Variants in ARHGAP26 observed in about 807,000 individuals in gnomAD.
The protein encoded by ARHGAP26 is rho GTPase-activating protein 26.
In ARHGAP26, 38 loss-of-function variants were observed where a neutral mutation model predicts 104.8. The ratio of observed to expected loss-of-function variants is 0.36; its 90% confidence interval spans 0.28 to 0.48. The LOEUF (loss-of-function observed/expected upper bound fraction) is 0.48, where lower values mean the gene tolerates loss of function less well. Among genes scored for constraint, ARHGAP26 ranks in the 20% least tolerant of loss-of-function variants. ARHGAP26 has a pLI of 0.99. For synonymous variants in ARHGAP26, 341 were observed against 340.0 expected (o/e 1.00, Z -0.03); for missense variants, 704 against 947.9 (o/e 0.74, Z 3.38).
At chr5:143,222,311 T>C (rs1295273740) in intron 22 of ARHGAP26, 47 bp from the exon 23 acceptor site, 2 of 1,408,586 alleles carry the variant, frequency 1.4e-6, no homozygotes, top group Non-Finnish European at 1.9e-6. Flanking sequence ...CCGCCTGCTC[T>C]ATCTGTAATG....
intron 19 of ARHGAP26, among the ~76,000 whole-genome samples, chr5:143,139,979 G>C (rs1194930873): frequency 6.6e-6 from 1 of 152,198 alleles, no homozygotes; most frequent in Non-Finnish European, 1.5e-5. Context: ...GATTTATTCT[G>C]TCCCAAATTT....
At chr5:142,868,809 C>T (rs1043697606) in intron 1 of ARHGAP26, 3 of 152,468 alleles carry the variant, frequency 2.0e-5, no homozygotes, top group Middle Eastern at 6.8e-3. Flanking sequence ...CCTGAAGTCT[C>T]TCTGGGGCTC....
At chr5:142,889,794 C>G (rs1276082721) in intron 5 of ARHGAP26, among the ~76,000 whole-genome samples, 1 of 151,728 alleles carries the variant, frequency 6.6e-6, no homozygotes, top group Non-Finnish European at 1.5e-5. Context: ...GAGTGTGTCG[C>G]AAAATCACAG....
At chr5:142,956,029 C>T (rs712182) in intron 11 of ARHGAP26, among the ~76,000 whole-genome samples, 78,203 of 152,078 alleles carry the variant, frequency 0.51, 25,056 homozygotes, top group East Asian at 0.91. Context: ...AGGGAATTAT[C>T]TGAGAATATT....
intron 17 of ARHGAP26, among the ~76,000 whole-genome samples, chr5:143,104,318 T>G (rs1197687782): frequency 6.6e-6 from 1 of 152,198 alleles, no homozygotes; most frequent in African/African-American, 2.4e-5. Context: ...GAGACCAGCC[T>G]GACCAACATG....
intron 1 of ARHGAP26, among the ~76,000 whole-genome samples, chr5:142,782,238 G>A (rs1002475300): frequency 1.3e-5 from 2 of 152,216 alleles, no homozygotes; most frequent in Non-Finnish European, 2.9e-5. Flanking sequence ...TTCCTGCAGG[G>A]CATGCAGGTG....
chr5:143,173,680 C>G (rs960231114), intron 20 of ARHGAP26, among the ~76,000 whole-genome samples: 1 of 152,184 alleles, frequency 6.6e-6, no homozygotes, highest in Non-Finnish European at 1.5e-5. Context: ...TCCACAAAAT[C>G]TAACTGCAGA....
At chr5:143,095,999 C>T (rs537788807) in intron 17 of ARHGAP26, among the ~76,000 whole-genome samples, 19 of 152,236 alleles carry the variant, frequency 1.2e-4, no homozygotes, top group Admixed American at 1.0e-3. Flanking sequence ...TTTTTTAAAA[C>T]TCTACCAACA....
chr5:142,808,236 G>GAAAAAAAAAA (rs58550799), intron 1 of ARHGAP26, among the ~76,000 whole-genome samples: 1 of 32,672 alleles, frequency 3.1e-5, no homozygotes, highest in Non-Finnish European at 6.9e-5. Context: ...CATTGTCTCG[G>GAAAAAAAAAA]AAAAAAAAAA....
intron 1 of ARHGAP26, among the ~76,000 whole-genome samples, chr5:142,816,451 A>T (rs1263922485): frequency 6.6e-6 from 1 of 152,232 alleles, no homozygotes; most frequent in Non-Finnish European, 1.5e-5. Flanking sequence ...TAGGAGGAGT[A>T]CATGAGTGAA....
chr5:142,981,418 G>A (rs770452116), intron 11 of ARHGAP26, among the ~76,000 whole-genome samples: 2 of 152,170 alleles, frequency 1.3e-5, no homozygotes, highest in Non-Finnish European at 2.9e-5. Flanking sequence ...ACAAAATGTA[G>A]TCTAAATGCC....
At chr5:143,211,769 C>T (rs1386009093) in intron 21 of ARHGAP26, among the ~76,000 whole-genome samples, 1 of 151,940 alleles carries the variant, frequency 6.6e-6, no homozygotes, top group Non-Finnish European at 1.5e-5. Context: ...GAGGTCTCTA[C>T]AGTCTGGTCT....
chr5:143,086,906 C>T (rs117467591), intron 17 of ARHGAP26, among the ~76,000 whole-genome samples: 1 of 152,314 alleles, frequency 6.6e-6, no homozygotes, highest in East Asian at 1.9e-4. Flanking sequence ...TTTGGATCCT[C>T]CCCGCCTACC....
intron 17 of ARHGAP26, among the ~76,000 whole-genome samples, chr5:143,083,687 T>C (rs559576477): frequency 6.6e-6 from 1 of 152,184 alleles, no homozygotes; most frequent in African/African-American, 2.4e-5. Flanking sequence ...TTAGTAGAGA[T>C]AGGGTTTCAC....
intron 19 of ARHGAP26, among the ~76,000 whole-genome samples, chr5:143,135,085 G>A (rs758131660): frequency 1.8e-4 from 27 of 152,246 alleles, no homozygotes; most frequent in Admixed American, 6.5e-4. Flanking sequence ...CTACAAATGT[G>A]AGTCAGCATC....
chr5:142,796,844 GTCC>G (rs1211950937), intron 1 of ARHGAP26, among the ~76,000 whole-genome samples: 1 of 152,174 alleles, frequency 6.6e-6, no homozygotes, highest in Non-Finnish European at 1.5e-5. Context: ...TACCATCCCT[GTCC>G]TCCTTTGTTT....
intron 11 of ARHGAP26, among the ~76,000 whole-genome samples, chr5:142,990,995 G>A (rs988439189): frequency 6.6e-6 from 1 of 152,234 alleles, no homozygotes; most frequent in Non-Finnish European, 1.5e-5. Context: ...AAAGCTGTCA[G>A]ATAGGGATGT....
chr5:143,031,249 GTTAT>G (rs1157774395), intron 12 of ARHGAP26, among the ~76,000 whole-genome samples: 1 of 152,232 alleles, frequency 6.6e-6, no homozygotes, highest in African/African-American at 2.4e-5. Flanking sequence ...AAGGATTGGG[GTTAT>G]TCTCCCAAGG....
At chr5:143,029,580 TA>T (rs1412062966) in intron 12 of ARHGAP26, among the ~76,000 whole-genome samples, 1 of 150,984 alleles carries the variant, frequency 6.6e-6, no homozygotes, top group Non-Finnish European at 1.5e-5. Context: ...AATTTTTTTT[TA>T]ACCTTTTTGT....
Sources: gnomAD v4.1 joint callset for allele counts (sites outside exome capture counted in the v4.1 genomes callset) on GRCh38, gnomAD v4.1.1 for gene constraint, MANE v1.5 for transcripts, NCBI Gene and HGNC (gene_info 2026-07-23, HGNC 2026-07-21) for gene names.